Variants in PRR12 observed in about 807,000 individuals in gnomAD.
The protein encoded by PRR12 is proline-rich protein 12.
Under a neutral mutation model 138.0 loss-of-function variants are expected in PRR12, and 12 were observed. The observed-to-expected ratio is 0.09, with a 90% CI of 0.06 to 0.14. The LOEUF (loss-of-function observed/expected upper bound fraction) is 0.14. Ranked by LOEUF, PRR12 falls within the 10% of genes least tolerant of loss-of-function variation. The pLI, the probability that PRR12 is intolerant of heterozygous loss-of-function variation, is 1.00. For missense variants in PRR12, 2,692 were observed against 2,861.3 expected (o/e 0.94, Z 1.35); for synonymous variants, 1,567 against 1,291.7 (o/e 1.21, Z -4.57).
At position 49,597,149 on chromosome 19, in the gene PRR12, GC is replaced by G. The variant is rs1568423148; in HGVS notation, c.2815del (p.Leu939SerfsTer91). 1 of 1,551,786 alleles carries G rather than the reference GC, an allele frequency of 6.4e-7. No homozygotes were observed. The highest frequency in any genetic ancestry group is 8.7e-7 in the Non-Finnish European group (1 of 1,147,752). On this transcript the variant is annotated frameshift_variant, in exon 4 of 14. Transcript: ENST00000418929. LOFTEE classifies it high-confidence loss of function. This position sits in a 1 kb window ranked among gnomAD's most constrained non-coding sequence, Gnocchi z 6.3. ...LTSICFPDSL[L>X]QDEERSFFPT... ...CCTCCATCTGCTTCCCTGACTCCTT[GC>G]TCCAAGACGAGGAGCGCAGCTTCTT...
chr19:49,595,918 G>C lies in PRR12; in HGVS notation c.1583G>C (p.Ser528Thr), dbSNP rs773316272. 1 of 1,602,336 alleles carries C rather than the reference G, an allele frequency of 6.2e-7. No homozygotes were observed. Among genetic ancestry groups the C allele is most frequent in the African/African-American group, 1.3e-5 (1 of 75,042 alleles). ...AAHSQGLPTA[S>T]PSLSYSTGHS... Reference sequence around the variant, plus strand: ...CACTCCCAGGGGCTGCCCACAGCCAGCCCCTCGCTCAGCTACAGTACCGGC... The same window carrying C: ...CACTCCCAGGGGCTGCCCACAGCCACCCCCTCGCTCAGCTACAGTACCGGC... Residue 528 changes from serine (S) to threonine (T), a missense_variant, in exon 4 of 14, where the codon AGC becomes ACC. By Grantham distance (58) the Ser-to-Thr change is moderately conservative (BLOSUM62 1). Transcript: ENST00000418929.
chr19:49,602,120 A>C (rs867153678), intron 6 of PRR12, among the ~76,000 whole-genome samples: 19 of 152,306 alleles, frequency 1.2e-4, no homozygotes, highest in African/African-American at 4.6e-4. Flanking sequence ...GTGTCTGTAC[A>C]TGCATTACCT....
At position 49,597,066 on chromosome 19, in the gene PRR12, G is replaced by A; in HGVS notation, c.2731G>A (p.Gly911Ser). The A allele has an allele frequency of 6.4e-7, 1 of 1,552,874 alleles. No individual in the cohort carries two copies. The highest frequency in any genetic ancestry group is 8.7e-7 in the Non-Finnish European group (1 of 1,148,914). Reference sequence around the variant, plus strand: ...AAACTCGGAGGGCAAGGATCCCGCAGGCGCCTACCGCAGCCCCAGCCCGCA... The same window carrying A: ...AAACTCGGAGGGCAAGGATCCCGCAAGCGCCTACCGCAGCCCCAGCCCGCA... ...PPNSEGKDPAGAYRSPSPQGT... is the reference protein window; with the variant it reads ...PPNSEGKDPASAYRSPSPQGT... Residue 911 changes from glycine (G) to serine (S), a missense_variant, in exon 4 of 14, where the codon GGC (glycine) becomes AGC (serine). Physicochemically the swap from Gly to Ser is moderately conservative, Grantham distance 56 (BLOSUM62 0). Transcript: ENST00000418929. This position sits in a 1 kb window ranked among gnomAD's most constrained non-coding sequence, Gnocchi z 6.3.
At chr19:49,593,296 G>T in intron 1 of PRR12, 31 bp from the exon 2 acceptor site, 1 of 1,128,934 alleles carries the variant, frequency 8.9e-7, no homozygotes, top group Admixed American at 2.0e-5. Flanking sequence ...CAGCTTGGAA[G>T]AACCCCCTGA....
rs961732385 is a variant in PRR12 at position 49,602,054 on chromosome 19, A to T, written c.4773+136A>T. The stretch of plus-strand genomic sequence containing the variant: ...GGGCCGCCCTGGAATTTGCAGTCCT[A>T]TGGGGCTGATAGAGGTGTCGAGGAC... On this transcript the variant is annotated intron_variant, in intron 6 of 13. Transcript: ENST00000418929. 4 of 1,091,088 alleles carry T rather than the reference A, an allele frequency of 3.7e-6. No homozygotes were observed. In the Admixed American group the frequency reaches 9.5e-5, roughly 26 times the overall value. 67.6% of individuals were successfully genotyped at this position (1,091,088 alleles called of 1,614,324 possible). A position where few individuals can be genotyped will look rare whatever the true frequency, so the allele number is the denominator to read the frequency against.
chr19:49,595,581 A>G lies in PRR12; in HGVS notation c.1246A>G (p.Lys416Glu). 1 of 1,575,468 alleles carries G rather than the reference A, an allele frequency of 6.3e-7. No individual in the cohort carries two copies. Among genetic ancestry groups the G allele is most frequent in the Admixed American group, 1.7e-5 (1 of 58,054 alleles). ...PPPPRSTATP[K>E]CQSLGGPAAA... ...CCCACCCCGTTCGACCGCCACCCCCAAATGTCAGAGCCTGGGTGGGCCAGC... is the reference window on the plus strand; with the variant it reads ...CCCACCCCGTTCGACCGCCACCCCCGAATGTCAGAGCCTGGGTGGGCCAGC... Residue 416 changes from lysine (K) to glutamate (E), a missense_variant, in exon 4 of 14, where the codon AAA becomes GAA. Physicochemically the swap from Lys to Glu is moderately conservative, Grantham distance 56 (BLOSUM62 1). Transcript: ENST00000418929.
chr19:49,592,933 TG>T (rs2080738914), intron 1 of PRR12, among the ~76,000 whole-genome samples: 1 of 144,396 alleles, frequency 6.9e-6, no homozygotes, highest in Admixed American at 6.9e-5. Context: ...TGTGGACCTC[TG>T]GCGTTGGCCC....
At chr19:49,610,364 A>T (rs376792208) in intron 6 of PRR12, among the ~76,000 whole-genome samples, 1 of 152,056 alleles carries the variant, frequency 6.6e-6, no homozygotes. Flanking sequence ...CACATGTCTT[A>T]GCTTGTCGCA....
Position 49,621,542 on chromosome 19 carries a change from C to A in PRR12, c.5641C>A (p.Pro1881Thr). 6.2e-7 allele frequency: 1 copy of A among 1,606,494 alleles called. No homozygotes were observed. The highest frequency in any genetic ancestry group is 2.2e-5 in the East Asian group (1 of 44,574). ...EDTHDELYLP[P>T]MRKIDGLLNE... ...TCCATCAGACGAGCTGTACCTGCCCCCCATGCGGAAGATAGACGGCCTGCT... is the reference window on the plus strand; with the variant it reads ...TCCATCAGACGAGCTGTACCTGCCCACCATGCGGAAGATAGACGGCCTGCT... The change falls in exon 11 of 14, where the codon CCC becomes ACC. Residue 1881 changes from proline (P) to threonine (T), a missense_variant. Pro to Thr is a conservative substitution (Grantham distance 38). Around this residue, in one of 11 missense-constraint regions of PRR12, gnomAD observed 116 missense variants for 243.4 expected, o/e 0.48. Transcript: ENST00000418929.
In PRR12 at chr19:49,606,167, A is replaced by T. The variant is rs954612110; in HGVS notation, c.4773+4249A>T. 1.4e-4 allele frequency among the ~76,000 whole-genome samples: 22 copies of T among 151,762 alleles called. No homozygotes were observed. The Middle Eastern group carries it at 0.01, about 70-fold the overall frequency. ...AAGCATACAACACCATGCCTGGCAA[A>T]TTTTTTTATTCCTTAAGTAGAGACT... is the stretch of plus-strand genomic sequence containing the variant. On this transcript the variant is annotated intron_variant, in intron 6 of 13. Transcript: ENST00000418929.
In PRR12 at chr19:49,625,765, C is replaced by G. The variant is rs1237607028; in HGVS notation, c.*158C>G. 4 of 908,250 alleles carry G rather than the reference C, an allele frequency of 4.4e-6. No homozygotes were observed. Among genetic ancestry groups the G allele is most frequent in the Non-Finnish European group, 6.1e-6 (4 of 652,782 alleles). 56.3% of individuals were successfully genotyped at this position (908,250 alleles called of 1,614,324 possible). A position where few individuals can be genotyped will look rare whatever the true frequency, so the allele number is the denominator to read the frequency against. The stretch of plus-strand genomic sequence containing the variant: ...CCCCCTCCAGGGCAGGGTTCAAAGT[C>G]CGACTCCCCCCCTCTCCCAAGCCCC... On this transcript the variant is annotated 3_prime_UTR_variant, in exon 14 of 14. Coordinates refer to ENST00000418929, the MANE Select transcript of PRR12 (RefSeq NM_020719.3). The surrounding 1 kb of genome is among the most constrained non-coding windows in gnomAD (Gnocchi z 5.5).
At chr19:49,617,927 G>A (rs556224561) in intron 9 of PRR12, among the ~76,000 whole-genome samples, 2 of 152,000 alleles carry the variant, frequency 1.3e-5, no homozygotes, top group African/African-American at 2.4e-5. Context: ...GAGAAACCCC[G>A]TCTCTACTAA....
chr19:49,625,119 G>A lies in PRR12; in HGVS notation c.5883G>A (p.Glu1961=). The A allele has an allele frequency of 6.2e-7, 1 of 1,613,722 alleles. No individual in the cohort carries two copies. The highest frequency in any genetic ancestry group is 2.2e-5 in the East Asian group (1 of 44,870). ...CTCCTACCCAGGAGTTCAAGGTTGA[G>A]CTGGAAAAGTCGGGATACTATACAC... is the stretch of plus-strand genomic sequence containing the variant. ...SVVRAQEFKV[E]LEKSGYYTLY... The change falls in exon 13 of 14, where the codon GAG becomes GAA. Residue 1961 remains glutamate (E), a synonymous_variant. Coordinates refer to ENST00000418929, the MANE Select transcript of PRR12 (RefSeq NM_020719.3). This position sits in a 1 kb window ranked among gnomAD's most constrained non-coding sequence, Gnocchi z 5.5.
chr19:49,602,029 G>A (rs996390463), intron 6 of PRR12, 111 bp downstream of exon 6: 46 of 1,352,808 alleles, frequency 3.4e-5, no homozygotes, highest in Non-Finnish European at 4.1e-5. Context: ...AGTCGTGGCC[G>A]GGCCGCCCTG....
In PRR12 at chr19:49,625,262, A is replaced by G; in HGVS notation, c.5964+62A>G. 1 of 1,556,962 alleles carries G rather than the reference A, an allele frequency of 6.4e-7. No homozygotes were observed. The highest frequency in any genetic ancestry group is 8.8e-7 in the Non-Finnish European group (1 of 1,132,410). On this transcript the variant is annotated intron_variant, in intron 13 of 13. Transcript: ENST00000418929. The surrounding 1 kb of genome is among the most constrained non-coding windows in gnomAD (Gnocchi z 5.5). ...CCAACCTTTCTGACTTCCTCTTGGG[A>G]TCTGAGGGTCCAAGCCCAGCCCCAT...
Position 49,591,671 on chromosome 19 carries a change from C to A in PRR12, c.17C>A (p.Pro6His), listed in dbSNP as rs867037702. The A allele has an allele frequency of 7.3e-7, 1 of 1,374,092 alleles. No individual in the cohort carries two copies. The highest frequency in any genetic ancestry group is 1.3e-5 in the South Asian group (1 of 75,920). The allele number at this position is 1,374,092 out of a possible 1,614,324, so 85.1% of individuals were successfully genotyped here. MDRNY[P>H]SAGFGDPLGA... is the part of the protein sequence containing the mutation. ...GGCCAATTCATGGACAGGAACTACCCCAGCGCCGGCTTCGGGGACCCGCTC... is the reference window on the plus strand; with the variant it reads ...GGCCAATTCATGGACAGGAACTACCACAGCGCCGGCTTCGGGGACCCGCTC... Residue 6 changes from proline to histidine, a missense_variant, in exon 1 of 14, where the codon CCC becomes CAC. By Grantham distance (77) the Pro-to-His change is moderately conservative (BLOSUM62 -2). Around this residue, in one of 11 missense-constraint regions of PRR12, gnomAD observed 211 missense variants for 266.3 expected, o/e 0.79. Transcript: ENST00000418929.
At chr19:49,612,060 G>A (rs1438073260) in intron 6 of PRR12, among the ~76,000 whole-genome samples, 5 of 151,536 alleles carry the variant, frequency 3.3e-5, no homozygotes, top group African/African-American at 7.3e-5. Context: ...GTGAAACCCC[G>A]TCTCCACTAA....
intron 1 of PRR12, among the ~76,000 whole-genome samples, 157 bp from the exon 2 acceptor site, chr19:49,593,170 C>T (rs1337190666): frequency 6.6e-6 from 1 of 152,070 alleles, no homozygotes. Flanking sequence ...ACCCCGATTC[C>T]CTTGTGTTCT....
Position 49,601,564 on chromosome 19 carries a change from A to T in PRR12, c.4419A>T (p.Pro1473=). The T allele has an allele frequency of 8.2e-7, 1 of 1,216,900 alleles. No homozygotes were observed. The highest frequency in any genetic ancestry group is 1.1e-6 in the Non-Finnish European group (1 of 940,338). The allele number at this position is 1,216,900 out of a possible 1,614,324, so 75.4% of individuals were successfully genotyped here. ...CGACTCCTCAGCCTCAGCCTCCGCC[A>T]CCCCCTCCGCCGCCACAGCCAGCCC... ...PAPTPQPQPP[P]PPPPPQPALP... The change falls in exon 6 of 14, where the codon CCA becomes CCT. Residue 1473 remains proline, a synonymous_variant. Coordinates refer to ENST00000418929, the MANE Select transcript of PRR12 (RefSeq NM_020719.3).
Sources: gnomAD v4.1 joint callset for allele counts (sites outside exome capture counted in the v4.1 genomes callset) on GRCh38, gnomAD v4.1.1 for gene constraint, gnomAD v4.1.1 regional missense constraint, Gnocchi (gnomAD v3.1) non-coding constraint, MANE v1.5 for transcripts, NCBI Gene and HGNC (gene_info 2026-07-23, HGNC 2026-07-21) for gene names.